C4orf51: variants seen among roughly 807,000 people sequenced by gnomAD.
C4orf51 encodes the protein uncharacterized protein C4orf51.
Under a neutral mutation model 25.2 loss-of-function variants are expected in C4orf51, and 25 were observed. The observed-to-expected ratio is 0.99, with a 90% CI of 0.72 to 1.39. C4orf51 has a LOEUF of 1.39. C4orf51 is among the 40% of genes most tolerant of loss of function. C4orf51 has a pLI of 0.00. For missense variants in C4orf51, 252 were observed against 239.6 expected, an observed-to-expected ratio of 1.05 and a Z score of -0.34; for synonymous variants, 100 against 84.5, an observed-to-expected ratio of 1.18 and a Z score of -1.01.
intron 2 of C4orf51, among the ~76,000 whole-genome samples, chr4:145,723,753 G>A (rs1319392819): frequency 6.6e-6 from 1 of 152,210 alleles, no homozygotes; most frequent in Non-Finnish European, 1.5e-5. Flanking sequence ...GAGCAGGAAG[G>A]TAGATACATA....
chr4:145,768,948 ATGG>A (rs1380296022), intron 1 of C4orf51, among the ~76,000 whole-genome samples: 1 of 129,034 alleles, frequency 7.7e-6, no homozygotes, highest in Non-Finnish European at 1.6e-5. Context: ...TAGAGCTGTA[ATGG>A]TGGGTTACAT....
At chr4:145,760,744 T>A in intron 1 of C4orf51, 1 of 1,012,414 alleles carries the variant, frequency 9.9e-7, no homozygotes, top group Non-Finnish European at 1.2e-6. Flanking sequence ...TTTTGTCTTT[T>A]GTCTCTCTGT....
At chr4:145,746,718 A>G (rs1303524767) in intron 1 of C4orf51, among the ~76,000 whole-genome samples, 1 of 151,948 alleles carries the variant, frequency 6.6e-6, no homozygotes, top group African/African-American at 2.4e-5. Context: ...TTCTATATAC[A>G]CTTTAGAATT....
intron 2 of C4orf51, among the ~76,000 whole-genome samples, chr4:145,701,103 G>T (rs916421942): frequency 2.7e-4 from 41 of 152,112 alleles, no homozygotes; most frequent in African/African-American, 9.6e-4. Context: ...GACCCTAAAA[G>T]GTCAAAAGGC....
intron 1 of C4orf51, among the ~76,000 whole-genome samples, chr4:145,685,029 T>C (rs918746250): frequency 6.6e-6 from 1 of 152,100 alleles, no homozygotes; most frequent in Non-Finnish European, 1.5e-5. Flanking sequence ...CATACCTCTG[T>C]CAGTAACTGA....
intron 2 of C4orf51, among the ~76,000 whole-genome samples, chr4:145,700,275 CGTGCCCTG>C (rs1730348165): frequency 6.6e-6 from 1 of 151,904 alleles, no homozygotes; most frequent in Non-Finnish European, 1.5e-5. Context: ...CCCTTATTTC[CGTGCCCTG>C]ACCCCCCTCC....
rs112232764 is a variant in C4orf51, at chr4:145,694,745, C to T, written c.234-1814C>T. 4.6e-5 allele frequency among the ~76,000 whole-genome samples: 7 copies of T among 151,514 alleles called. No individual in the cohort carries two copies. In the South Asian group the frequency reaches 8.4e-4, roughly 18 times the overall value. ...CTGGGAAGTGAGGAGCCCCTCTGCC[C>T]GGCCAAGTTTTTAGTTTTTTCAGAA... On this transcript the variant is annotated intron_variant, in intron 1 of 5. Transcript: ENST00000438731.
downstream of C4orf51, chr4:145,732,861 G>A (rs1038789351): frequency 9.2e-5 from 19 of 207,426 alleles, no homozygotes; most frequent in Non-Finnish European, 1.5e-4. Flanking sequence ...ACCGTCGGGG[G>A]CTCCGGCGTC....
chr4:145,760,761 T>G, intron 1 of C4orf51: 2 of 976,042 alleles, frequency 2.0e-6, no homozygotes, highest in Non-Finnish European at 2.5e-6. Context: ...CTGTTTTTGG[T>G]ACAGAACATG....
chr4:145,781,916 A>G, the C4orf51 span, among the ~76,000 whole-genome samples: 1 of 152,214 alleles, frequency 6.6e-6, no homozygotes, highest in Non-Finnish European at 1.5e-5. Context: ...ATAGATAAGC[A>G]CCTTAATAAT....
intron 2 of C4orf51, among the ~76,000 whole-genome samples, chr4:145,724,996 G>A (rs932809667): frequency 1.3e-5 from 2 of 151,408 alleles, no homozygotes; most frequent in South Asian, 2.1e-4. Flanking sequence ...GATTGCAAAG[G>A]TATAAGAATA....
At chr4:145,782,760 C>T in the C4orf51 span, among the ~76,000 whole-genome samples, 1 of 152,190 alleles carries the variant, frequency 6.6e-6, no homozygotes, top group African/African-American at 2.4e-5. Flanking sequence ...CTGGCTTTGG[C>T]CACCTCCCAC....
chr4:145,680,408 G>T lies in C4orf51; in HGVS notation c.205G>T (p.Ala69Ser). Residue 69 changes from alanine to serine, a missense_variant, in exon 1 of 6, where the codon GCA becomes TCA. Ala to Ser is a moderately conservative substitution (Grantham distance 99). Transcript: ENST00000438731. ...CATGTGCAGCCAATTTTCTTTTAGA[G>T]CAGGACAGCATGAGCCTGAGTGTAA... Reference protein sequence around the residue: ...KSMCSQFSFRAGQHEPECKQM... With the variant: ...KSMCSQFSFRSGQHEPECKQM... 6.2e-7 allele frequency: 1 copy of T among 1,613,834 alleles called. No homozygotes were observed. The highest frequency in any genetic ancestry group is 8.5e-7 in the Non-Finnish European group (1 of 1,179,786).
At chr4:145,788,076 C>T in the C4orf51 span, among the ~76,000 whole-genome samples, 4 of 152,184 alleles carry the variant, frequency 2.6e-5, no homozygotes, top group Non-Finnish European at 5.9e-5. Context: ...CACAGTCTGC[C>T]TGCTCCTCTA....
At chr4:145,752,710 C>T (rs1733735991) in intron 1 of C4orf51, among the ~76,000 whole-genome samples, 1 of 152,206 alleles carries the variant, frequency 6.6e-6, no homozygotes, top group African/African-American at 2.4e-5. Context: ...TCCAGCACAG[C>T]ACTAAGACTT....
chr4:145,750,015 C>T (rs1261640290), intron 1 of C4orf51, among the ~76,000 whole-genome samples: 3 of 152,118 alleles, frequency 2.0e-5, no homozygotes, highest in Non-Finnish European at 4.4e-5. Flanking sequence ...CTAATAAAGA[C>T]TCTACACTTT....
intron 1 of C4orf51, among the ~76,000 whole-genome samples, chr4:145,694,321 G>A (rs1268045125): frequency 6.8e-6 from 1 of 146,810 alleles, no homozygotes; most frequent in Non-Finnish European, 1.5e-5. Context: ...CATCCCAGAC[G>A]ATGGGCAGCC....
At chr4:145,753,257 C>T (rs1005040493) in intron 1 of C4orf51, among the ~76,000 whole-genome samples, 1 of 150,432 alleles carries the variant, frequency 6.6e-6, no homozygotes, top group Non-Finnish European at 1.5e-5. Flanking sequence ...GCTTGCTCCA[C>T]CCTTGAAAAA....
chr4:145,785,457 T>G, the C4orf51 span, among the ~76,000 whole-genome samples: 5 of 152,170 alleles, frequency 3.3e-5, no homozygotes, highest in African/African-American at 9.6e-5. Flanking sequence ...GAGCACTCAG[T>G]TATCTTCAGA....
Sources: allele counts gnomAD v4.1 joint callset (sites outside exome capture counted in the v4.1 genomes callset), GRCh38; gene constraint gnomAD v4.1.1; transcripts MANE v1.5; gene names NCBI Gene and HGNC (gene_info 2026-07-23, HGNC 2026-07-21).